AUTS2: variants seen among roughly 807,000 people sequenced by gnomAD.
The protein encoded by AUTS2 is activator of transcription and developmental regulator AUTS2, also known as autism susceptibility gene 2 protein.
A neutral mutation model predicts 112.4 loss-of-function variants in AUTS2; 17 were observed. The ratio of observed to expected loss-of-function variants is 0.15; its 90% confidence interval spans 0.10 to 0.23. The LOEUF (loss-of-function observed/expected upper bound fraction) is 0.23. Among genes scored for constraint, AUTS2 ranks in the 10% least tolerant of loss-of-function variants. The pLI is 1.00. For synonymous variants in AUTS2, 751 were observed against 702.7 expected (o/e 1.07, Z -1.09); for missense variants, 1,510 against 1,701.6 (o/e 0.89, Z 1.98).
intron 1 of AUTS2, among the ~76,000 whole-genome samples, chr7:69,704,740 G>A (rs1584103252): frequency 6.6e-6 from 1 of 152,170 alleles, no homozygotes; most frequent in African/African-American, 2.4e-5. Flanking sequence ...TTCAATACAG[G>A]ATCAAAGAGT....
chr7:70,448,969 A>G (rs1562962758), intron 5 of AUTS2, among the ~76,000 whole-genome samples: 1 of 152,046 alleles, frequency 6.6e-6, no homozygotes, highest in Non-Finnish European at 1.5e-5. Context: ...TCCTTTTGAA[A>G]CTCTTAAGTT....
intron 5 of AUTS2, among the ~76,000 whole-genome samples, chr7:70,664,086 T>C (rs1278192951): frequency 1.3e-5 from 2 of 152,362 alleles, no homozygotes; most frequent in East Asian, 3.9e-4. Flanking sequence ...GACATTCCTT[T>C]ACTGTCCTTA....
intron 4 of AUTS2, among the ~76,000 whole-genome samples, chr7:70,276,775 G>C (rs944960374): frequency 3.3e-5 from 5 of 152,070 alleles, no homozygotes; most frequent in Non-Finnish European, 7.4e-5. Flanking sequence ...CTTATTCTAT[G>C]GATTGACTAA....
intron 5 of AUTS2, among the ~76,000 whole-genome samples, chr7:70,688,537 AC>A (rs1808583026): frequency 6.6e-6 from 1 of 152,206 alleles, no homozygotes; most frequent in South Asian, 2.1e-4. Context: ...AACAAAAAAA[AC>A]AAATCATGGC....
intron 2 of AUTS2, among the ~76,000 whole-genome samples, chr7:69,903,891 T>C (rs1795059791): frequency 6.6e-6 from 1 of 152,198 alleles, no homozygotes; most frequent in Non-Finnish European, 1.5e-5. Flanking sequence ...TCTGGGTAGG[T>C]ATTTCTTTTT....
At chr7:69,935,087 A>G (rs1796358509) in intron 2 of AUTS2, among the ~76,000 whole-genome samples, 1 of 152,158 alleles carries the variant, frequency 6.6e-6, no homozygotes, top group South Asian at 2.1e-4. Flanking sequence ...TCCCTGCCCC[A>G]TATAAGCTCA....
intron 1 of AUTS2, among the ~76,000 whole-genome samples, chr7:69,834,876 C>A (rs1279037058): frequency 6.6e-6 from 1 of 152,114 alleles, no homozygotes; most frequent in African/African-American, 2.4e-5. Flanking sequence ...TTTTGCTTTT[C>A]TTATGTCTTC....
chr7:69,956,577 C>T (rs1174917782), intron 2 of AUTS2, among the ~76,000 whole-genome samples: 1 of 151,944 alleles, frequency 6.6e-6, no homozygotes, highest in Non-Finnish European at 1.5e-5. Context: ...TCCATGGGAG[C>T]ACGAAAAAAA....
intron 2 of AUTS2, among the ~76,000 whole-genome samples, chr7:70,014,324 A>T (rs1799934800): frequency 1.3e-5 from 2 of 152,208 alleles, no homozygotes; most frequent in Admixed American, 1.3e-4. Flanking sequence ...AGACAGATTA[A>T]AAAGGAAAGG....
intron 2 of AUTS2, among the ~76,000 whole-genome samples, chr7:70,097,190 T>C (rs1293806820): frequency 3.3e-5 from 5 of 152,246 alleles, no homozygotes. Context: ...GTTACTAATC[T>C]GCAAGTTGTA....
At chr7:70,366,992 A>T (rs1397613668) in intron 4 of AUTS2, among the ~76,000 whole-genome samples, 1 of 152,132 alleles carries the variant, frequency 6.6e-6, no homozygotes, top group East Asian at 1.9e-4. Flanking sequence ...GATTAGAAAT[A>T]CTGATTTATG....
chr7:70,067,061 A>T (rs1381432935), intron 2 of AUTS2, among the ~76,000 whole-genome samples: 1 of 152,208 alleles, frequency 6.6e-6, no homozygotes, highest in East Asian at 1.9e-4. Context: ...TCATTTAGGC[A>T]TTTAATGATA....
intron 2 of AUTS2, among the ~76,000 whole-genome samples, chr7:69,965,057 A>T (rs1488816760): frequency 6.6e-6 from 1 of 151,998 alleles, no homozygotes; most frequent in African/African-American, 2.4e-5. Context: ...TGTTCCCCTT[A>T]CAAGAATCAC....
chr7:69,889,893 G>A (rs529236787), intron 1 of AUTS2, among the ~76,000 whole-genome samples: 1 of 152,120 alleles, frequency 6.6e-6, no homozygotes, highest in Non-Finnish European at 1.5e-5. Context: ...ATCTTCTGTT[G>A]TATGGTTCTT....
chr7:69,646,949 G>A (rs532701459), intron 1 of AUTS2, among the ~76,000 whole-genome samples: 1 of 152,008 alleles, frequency 6.6e-6, no homozygotes, highest in Non-Finnish European at 1.5e-5. Context: ...TTAGCCGCGC[G>A]TAGTGGCGGG....
intron 1 of AUTS2, among the ~76,000 whole-genome samples, chr7:69,885,084 C>A (rs1794215412): frequency 6.6e-6 from 1 of 152,192 alleles, no homozygotes. Flanking sequence ...GCTGTGTGAA[C>A]AAGCTCTAAG....
At chr7:69,645,075 A>ATTTT (rs34549998) in intron 1 of AUTS2, among the ~76,000 whole-genome samples, 6 of 139,718 alleles carry the variant, frequency 4.3e-5, no homozygotes, top group Non-Finnish European at 4.6e-5. Context: ...CACCCAGTTA[A>ATTTT]TTTTTTTTTT....
intron 5 of AUTS2, among the ~76,000 whole-genome samples, chr7:70,467,236 G>A (rs1797201633): frequency 6.6e-6 from 1 of 152,224 alleles, no homozygotes. Flanking sequence ...ATGGCTGAAA[G>A]CCTCAAGGCC....
intron 1 of AUTS2, among the ~76,000 whole-genome samples, chr7:69,799,615 A>G (rs544466163): frequency 6.6e-6 from 1 of 152,376 alleles, no homozygotes; most frequent in African/African-American, 2.4e-5. Flanking sequence ...CTGGAAAATC[A>G]GATGGGCAGT....
Sources: allele counts gnomAD v4.1 joint callset (sites outside exome capture counted in the v4.1 genomes callset), GRCh38; gene constraint gnomAD v4.1.1; transcripts MANE v1.5; gene names NCBI Gene and HGNC (gene_info 2026-07-23, HGNC 2026-07-21).